Variants in UNC79 observed in about 807,000 individuals in gnomAD.
The protein encoded by UNC79 is protein unc-79 homolog.
UNC79 carries 37 observed loss-of-function variants against 283.1 expected under a neutral mutation model. The observed-to-expected ratio is 0.13, with a 90% CI of 0.10 to 0.17. The LOEUF is 0.17. Among genes scored for constraint, UNC79 ranks in the 10% least tolerant of loss-of-function variants. UNC79 has a pLI of 1.00. For synonymous variants in UNC79, 1,107 were observed against 1,200.2 expected, an observed-to-expected ratio of 0.92 and a Z score of 1.61; for missense variants, 2,272 against 3,211.1, an observed-to-expected ratio of 0.71 and a Z score of 7.07.
At chr14:93,559,794 G>C (rs1426558162) in intron 14 of UNC79, among the ~76,000 whole-genome samples, 2 of 152,168 alleles carry the variant, frequency 1.3e-5, no homozygotes, top group Admixed American at 6.5e-5. Context: ...TATCTGTGCA[G>C]GTCACAGGGG....
chr14:93,351,522 G>C (rs1272161481), intron 1 of UNC79, among the ~76,000 whole-genome samples: 1 of 152,158 alleles, frequency 6.6e-6, no homozygotes, highest in African/African-American at 2.4e-5. Flanking sequence ...TGTGAGGTCA[G>C]TATACCCCAA....
intron 30 of UNC79, among the ~76,000 whole-genome samples, chr14:93,628,402 A>G (rs988674076): frequency 6.6e-6 from 1 of 152,090 alleles, no homozygotes; most frequent in South Asian, 2.1e-4. Context: ...TAATTCTTTG[A>G]TCCAACACCA....
At chr14:93,421,469 T>C (rs942137174) in intron 1 of UNC79, among the ~76,000 whole-genome samples, 4 of 151,574 alleles carry the variant, frequency 2.6e-5, no homozygotes, top group Non-Finnish European at 5.9e-5. Context: ...TAATAAAGTC[T>C]CCAGGCAAAG....
At chr14:93,669,529 T>A (rs1048686707) in intron 40 of UNC79, among the ~76,000 whole-genome samples, 1 of 152,120 alleles carries the variant, frequency 6.6e-6, no homozygotes, top group Non-Finnish European at 1.5e-5. Flanking sequence ...TGGCTTTACA[T>A]TTTGGTGTAA....
At chr14:93,615,741 A>AAAAAAAG (rs2066667756) in intron 27 of UNC79, among the ~76,000 whole-genome samples, 13 of 142,868 alleles carry the variant, frequency 9.1e-5, no homozygotes, top group African/African-American at 3.8e-4. Context: ...AAAAAAAAAA[A>AAAAAAAG]AAAAGAAAAG....
chr14:93,542,948 C>A (rs1208239105), intron 14 of UNC79, among the ~76,000 whole-genome samples: 2 of 126,012 alleles, frequency 1.6e-5, no homozygotes, highest in African/African-American at 3.0e-5. Flanking sequence ...TCTTTCTCGA[C>A]ATTGCTGATT....
chr14:93,622,006 G>T, exon 30 of UNC79: 1 of 1,614,052 alleles, frequency 6.2e-7, no homozygotes, highest in South Asian at 1.1e-5. Flanking sequence ...CTTTCGAGGT[G>T]AAAGTTGACT....
intron 14 of UNC79, among the ~76,000 whole-genome samples, chr14:93,548,922 G>A (rs1304058783): frequency 2.0e-5 from 3 of 152,110 alleles, no homozygotes; most frequent in Non-Finnish European, 4.4e-5. Flanking sequence ...ATTGCCTATT[G>A]TATATCAGCA....
intron 25 of UNC79, among the ~76,000 whole-genome samples, chr14:93,602,760 C>T (rs59871639): frequency 0.014 from 2,107 of 152,262 alleles, 59 homozygotes; most frequent in African/African-American, 0.049. Context: ...CCCAGCTAAT[C>T]TTCCTGAGTA....
At chr14:93,517,856 A>G (rs2060139716) in intron 7 of UNC79, among the ~76,000 whole-genome samples, 1 of 150,474 alleles carries the variant, frequency 6.6e-6, no homozygotes, top group African/African-American at 2.4e-5. Flanking sequence ...CCCCTGTTAT[A>G]TTTTTCACTT....
chr14:93,499,353 C>T (rs529056492), intron 7 of UNC79, among the ~76,000 whole-genome samples: 25 of 152,274 alleles, frequency 1.6e-4, no homozygotes, highest in African/African-American at 6.0e-4. Flanking sequence ...CCTTCCCATT[C>T]GATCCCTGAA....
chr14:93,635,789 A>C (rs1373946137), intron 31 of UNC79, among the ~76,000 whole-genome samples: 1 of 152,220 alleles, frequency 6.6e-6, no homozygotes, highest in African/African-American at 2.4e-5. Context: ...GGTAGTGAGC[A>C]GTGAATAGCC....
At chr14:93,654,168 A>C in intron 37 of UNC79, 143 bp downstream of exon 40, 1 of 560,950 alleles carries the variant, frequency 1.8e-6, no homozygotes. Flanking sequence ...TGAAATCTAA[A>C]ATTTTAAAAT....
At chr14:93,573,794 C>T (rs988119603) in intron 16 of UNC79, among the ~76,000 whole-genome samples, 1 of 152,174 alleles carries the variant, frequency 6.6e-6, no homozygotes, top group African/African-American at 2.4e-5. Flanking sequence ...ATCACTTGCT[C>T]AGGAGTTCAA....
At chr14:93,565,580 A>G (rs2062826617) in intron 14 of UNC79, among the ~76,000 whole-genome samples, 2 of 152,124 alleles carry the variant, frequency 1.3e-5, no homozygotes, top group Non-Finnish European at 2.9e-5. Context: ...GGACCACCAT[A>G]TATGTTGTTT....
chr14:93,580,627 T>A (rs1453738891), intron 19 of UNC79, among the ~76,000 whole-genome samples: 1 of 152,218 alleles, frequency 6.6e-6, no homozygotes, highest in African/African-American at 2.4e-5. Flanking sequence ...ATTCATATGG[T>A]TCCATGCATT....
At chr14:93,424,054 G>A (rs1482612172) in intron 1 of UNC79, among the ~76,000 whole-genome samples, 3 of 152,124 alleles carry the variant, frequency 2.0e-5, no homozygotes, top group African/African-American at 7.2e-5. Context: ...GTGGGCAAAA[G>A]ATTTAAATAG....
chr14:93,700,120 T>C (rs1246260808), intron 47 of UNC79, among the ~76,000 whole-genome samples: 1 of 151,900 alleles, frequency 6.6e-6, no homozygotes, highest in Non-Finnish European at 1.5e-5. Context: ...CTCCATTGTC[T>C]TTTTGCTTAT....
chr14:93,557,824 C>T (rs1368301939), intron 14 of UNC79, among the ~76,000 whole-genome samples: 2 of 152,224 alleles, frequency 1.3e-5, no homozygotes, highest in Non-Finnish European at 2.9e-5. Flanking sequence ...TTGTTCTTCC[C>T]AGAAGTAATC....
Sources: allele counts gnomAD v4.1 joint callset (sites outside exome capture counted in the v4.1 genomes callset), GRCh38; gene constraint gnomAD v4.1.1; transcripts MANE v1.5; gene names NCBI Gene and HGNC (gene_info 2026-07-23, HGNC 2026-07-21).